Variants in CSMD1 observed in about 807,000 individuals in gnomAD.
The protein encoded by CSMD1 is CUB and sushi domain-containing protein 1.
CSMD1 carries 213 observed loss-of-function variants against 417.5 expected under a neutral mutation model. That is an observed-to-expected ratio of 0.51 (90% CI 0.46 to 0.57). CSMD1 has a LOEUF of 0.57. Ranked by LOEUF, CSMD1 falls within the 20% of genes least tolerant of loss-of-function variation. The pLI is 0.00. For missense variants in CSMD1, 6,923 were observed against 4,529.7 expected (o/e 1.53, Z -15.17); for synonymous variants, 2,862 against 1,736.8 (o/e 1.65, Z -16.11).
intron 3 of CSMD1, among the ~76,000 whole-genome samples, chr8:4,067,887 G>T (rs1441946392): frequency 4.6e-5 from 7 of 152,034 alleles, no homozygotes; most frequent in African/African-American, 1.4e-4. Flanking sequence ...GACCATCCTG[G>T]CCAACATGAT....
chr8:4,642,175 G>C (rs759121271), intron 1 of CSMD1, among the ~76,000 whole-genome samples: 1 of 152,204 alleles, frequency 6.6e-6, no homozygotes, highest in Admixed American at 6.5e-5. Context: ...AGGACTACTT[G>C]TTCGGGGCCC....
intron 12 of CSMD1, among the ~76,000 whole-genome samples, chr8:3,434,370 C>A (rs1262856700): frequency 2.0e-5 from 3 of 152,124 alleles, no homozygotes; most frequent in Non-Finnish European, 4.4e-5. Context: ...GATTTTATGA[C>A]TTTTCCATTT....
intron 18 of CSMD1, among the ~76,000 whole-genome samples, chr8:3,384,448 G>A (rs913589519): frequency 2.0e-5 from 3 of 151,038 alleles, no homozygotes; most frequent in South Asian, 2.1e-4. Context: ...GAATCCTTAC[G>A]CTATTGCACT....
intron 11 of CSMD1, among the ~76,000 whole-genome samples, chr8:3,470,573 A>C (rs1817028299): frequency 6.6e-6 from 1 of 152,086 alleles, no homozygotes; most frequent in African/African-American, 2.4e-5. Flanking sequence ...CAAATACGTC[A>C]CATGTCTCGG....
intron 1 of CSMD1, among the ~76,000 whole-genome samples, chr8:4,731,183 G>T (rs1179620459): frequency 6.6e-6 from 1 of 152,148 alleles, no homozygotes; most frequent in African/African-American, 2.4e-5. Flanking sequence ...AAGTTAAAGA[G>T]AAATTCCACT....
intron 10 of CSMD1, among the ~76,000 whole-genome samples, chr8:3,510,769 G>C (rs1797031221): frequency 6.6e-6 from 1 of 151,822 alleles, no homozygotes; most frequent in Admixed American, 6.6e-5. Context: ...GTGAGGATGA[G>C]CTTTTTTGCC....
chr8:3,846,971 G>A (rs1159114919), intron 5 of CSMD1, among the ~76,000 whole-genome samples: 1 of 152,146 alleles, frequency 6.6e-6, no homozygotes, highest in Non-Finnish European at 1.5e-5. Context: ...CACTGCGCCT[G>A]GCCCCAGGAT....
chr8:3,429,748 G>A (rs1458521712), intron 12 of CSMD1, among the ~76,000 whole-genome samples: 30 of 152,208 alleles, frequency 2.0e-4, no homozygotes, highest in Non-Finnish European at 8.8e-5. Flanking sequence ...AATTTTCTAT[G>A]AAATAAAGTC....
intron 3 of CSMD1, among the ~76,000 whole-genome samples, chr8:4,042,057 G>T (rs545259430): frequency 6.6e-6 from 1 of 152,040 alleles, no homozygotes; most frequent in Non-Finnish European, 1.5e-5. Flanking sequence ...GCAGACACAA[G>T]TATGTAATTA....
At chr8:3,970,511 G>T (rs1813005826) in intron 5 of CSMD1, among the ~76,000 whole-genome samples, 1 of 152,082 alleles carries the variant, frequency 6.6e-6, no homozygotes, top group Admixed American at 6.6e-5. Flanking sequence ...TTGGTTTTAA[G>T]GACTCCAGGA....
intron 7 of CSMD1, among the ~76,000 whole-genome samples, chr8:3,706,617 C>G (rs1199721004): frequency 6.6e-6 from 1 of 152,142 alleles, no homozygotes; most frequent in Non-Finnish European, 1.5e-5. Flanking sequence ...AGAAAAAAAG[C>G]TCTGCCTCAA....
intron 2 of CSMD1, among the ~76,000 whole-genome samples, chr8:4,515,173 G>C (rs1297631500): frequency 6.6e-6 from 1 of 152,140 alleles, no homozygotes; most frequent in Non-Finnish European, 1.5e-5. Context: ...TTTAGGAACT[G>C]CTTCTAACTT....
intron 3 of CSMD1, among the ~76,000 whole-genome samples, chr8:4,189,618 G>C (rs1798894695): frequency 6.6e-6 from 1 of 152,096 alleles, no homozygotes; most frequent in South Asian, 2.1e-4. Context: ...AAATGGCAAA[G>C]ACCCCTAGCA....
intron 11 of CSMD1, among the ~76,000 whole-genome samples, chr8:3,487,650 T>C (rs753856099): frequency 1.3e-5 from 2 of 152,304 alleles, no homozygotes; most frequent in East Asian, 3.9e-4. Flanking sequence ...CTTAGAATAA[T>C]GGAATTGCCA....
intron 3 of CSMD1, among the ~76,000 whole-genome samples, chr8:4,125,730 C>G (rs1249095709): frequency 6.6e-6 from 1 of 152,134 alleles, no homozygotes; most frequent in Non-Finnish European, 1.5e-5. Flanking sequence ...ATTCAGTTCA[C>G]AGTTTGACTC....
At chr8:4,866,784 C>T (rs577011637) in intron 1 of CSMD1, among the ~76,000 whole-genome samples, 101 of 151,958 alleles carry the variant, frequency 6.6e-4, no homozygotes, top group African/African-American at 1.8e-3. Flanking sequence ...AGGTAATGGA[C>T]GAAAAGCAAA....
chr8:4,150,316 G>C (rs978456278), intron 3 of CSMD1, among the ~76,000 whole-genome samples: 4 of 152,112 alleles, frequency 2.6e-5, no homozygotes, highest in Admixed American at 6.6e-5. Context: ...TGTTAGGAAG[G>C]ACATCTCTAA....
intron 3 of CSMD1, among the ~76,000 whole-genome samples, chr8:4,225,245 C>G (rs1039727079): frequency 1.3e-5 from 2 of 152,298 alleles, no homozygotes; most frequent in African/African-American, 4.8e-5. Flanking sequence ...GAATCAATGA[C>G]AAACCATCAT....
chr8:3,302,697 G>T (rs531427203), intron 25 of CSMD1, among the ~76,000 whole-genome samples: 2 of 152,190 alleles, frequency 1.3e-5, no homozygotes, highest in African/African-American at 2.4e-5. Context: ...GATGTGATCT[G>T]TCACCAGTGA....
Sources: allele counts gnomAD v4.1 joint callset (sites outside exome capture counted in the v4.1 genomes callset), GRCh38; gene constraint gnomAD v4.1.1; transcripts MANE v1.5; gene names NCBI Gene and HGNC (gene_info 2026-07-23, HGNC 2026-07-21).